The following KLHL4 variants were observed in gnomAD, a reference collection of about 807,000 sequenced individuals.
KLHL4 encodes the protein kelch-like protein 4.
In KLHL4, 17 loss-of-function variants were observed where a neutral mutation model predicts 45.8. The observed-to-expected ratio is 0.37, with a 90% CI of 0.25 to 0.56. The LOEUF is 0.56. Among genes scored for constraint, KLHL4 ranks in the 20% least tolerant of loss-of-function variants. The pLI, the probability that KLHL4 is intolerant of heterozygous loss-of-function variation, is 0.79. For missense variants in KLHL4, 544 were observed against 544.9 expected (o/e 1.00, Z 0.02); for synonymous variants, 224 against 189.9 (o/e 1.18, Z -1.47).
intron 1 of KLHL4, among the ~76,000 whole-genome samples, chrX:87,602,154 T>C (rs770003910): frequency 9.0e-6 from 1 of 111,352 alleles, no homozygotes; most frequent in African/African-American, 3.2e-5. Flanking sequence ...AATTAAAAAA[T>C]TACAGAGAAA....
intron 9 of KLHL4, among the ~76,000 whole-genome samples, chrX:87,637,226 A>G (rs767954468): frequency 1.8e-5 from 2 of 111,471 alleles, no homozygotes; most frequent in East Asian, 2.9e-4. Flanking sequence ...GATCCAGAAC[A>G]GAAATAGCAA....
At chrX:87,573,441 ATAAG>A (rs1921001521) in intron 1 of KLHL4, among the ~76,000 whole-genome samples, 1 of 41,700 alleles carries the variant, frequency 2.4e-5, no homozygotes, top group African/African-American at 9.1e-5. Context: ...AAATAAACAA[ATAAG>A]TGAACAAGAT....
chrX:87,659,383 G>T (rs976931268), intron 9 of KLHL4, among the ~76,000 whole-genome samples: 1 of 109,851 alleles, frequency 9.1e-6, no homozygotes, highest in Admixed American at 9.7e-5. Flanking sequence ...CTCCCAAAGT[G>T]CTGGGATTAC....
intron 9 of KLHL4, among the ~76,000 whole-genome samples, chrX:87,654,075 G>A (rs954764596): frequency 2.7e-5 from 3 of 110,862 alleles, no homozygotes; most frequent in East Asian, 2.8e-4. Flanking sequence ...GCAAACCACC[G>A]TGGCACAACT....
intron 1 of KLHL4, among the ~76,000 whole-genome samples, chrX:87,528,902 A>C (rs5969236): frequency 0.26 from 28,133 of 108,291 alleles, 3,099 homozygotes; most frequent in East Asian, 0.54. Context: ...CAGACTATAA[A>C]CAATCTGTCC....
In KLHL4 at chrX:87,635,638, G is replaced by A. The variant is rs1602456000; in HGVS notation, c.1788G>A (p.Lys596=). ...SMEYFDPHTN[K]WSLCAPMSKR... is the part of the protein sequence containing the mutation. ...AATACTTTGACCCACACACTAACAA[G>A]TGGAGTTTGTGTGCTCCAATGTCCA... The change falls in exon 9 of 11, where the codon AAG becomes AAA. Residue 596 remains lysine, a synonymous_variant. Transcript: ENST00000373119. The A allele has an allele frequency of 2.5e-6, 3 of 1,209,893 alleles. No individual in the cohort carries two copies. Among genetic ancestry groups the A allele is most frequent in the Non-Finnish European group, 3.4e-6 (3 of 893,717 alleles).
At chrX:87,629,654 C>A (rs2147822443) in intron 6 of KLHL4, among the ~76,000 whole-genome samples, 2 of 110,826 alleles carry the variant, frequency 1.8e-5, no homozygotes, top group African/African-American at 6.5e-5. Flanking sequence ...ATTTCCTAAT[C>A]TAAATTAGGT....
rs1237195293 is a variant in KLHL4 at position 87,668,805 on chromosome X, C to G, written c.*2271C>G. On this transcript the variant is annotated 3_prime_UTR_variant, in exon 11 of 11. Transcript: ENST00000373119. Reference sequence around the variant, plus strand: ...GGACTTACCTGACAGCTCTTACCAACAAGAAGGCCATCCCAGATATGGCCT... The same window carrying G: ...GGACTTACCTGACAGCTCTTACCAAGAAGAAGGCCATCCCAGATATGGCCT... 2.8e-5 allele frequency: 7 copies of G among 252,963 alleles called. No homozygotes were observed. Among genetic ancestry groups the G allele is most frequent in the Non-Finnish European group, 3.8e-5 (7 of 182,728 alleles). The allele number at this position is 252,963 out of a possible 1,213,427, so 20.8% of individuals were successfully genotyped here.
chrX:87,632,607 A>G (rs41304056), intron 7 of KLHL4, among the ~76,000 whole-genome samples, 173 bp downstream of exon 7: 2,118 of 111,686 alleles, frequency 0.019, 21 homozygotes, highest in Non-Finnish European at 0.028. Flanking sequence ...TTATTGTTGC[A>G]GGTTACTCCT....
At chrX:87,653,668 A>G (rs2147837916) in intron 9 of KLHL4, among the ~76,000 whole-genome samples, 1 of 111,915 alleles carries the variant, frequency 8.9e-6, no homozygotes, top group East Asian at 2.8e-4. Flanking sequence ...TATTATAAAG[A>G]TACTCACATG....
chrX:87,523,579 A>G (rs1931045940), intron 1 of KLHL4, among the ~76,000 whole-genome samples: 2 of 111,904 alleles, frequency 1.8e-5, no homozygotes, highest in Non-Finnish European at 3.8e-5. Context: ...AACTGGAACA[A>G]TTTCAATAGC....
chrX:87,575,059 G>T (rs1017852776), intron 1 of KLHL4, among the ~76,000 whole-genome samples: 3 of 112,063 alleles, frequency 2.7e-5, no homozygotes, highest in Non-Finnish European at 5.6e-5. Context: ...AATCTTACCA[G>T]ATCAGTTGAT....
At chrX:87,521,258 C>G (rs1930994557) in intron 1 of KLHL4, among the ~76,000 whole-genome samples, 1 of 111,861 alleles carries the variant, frequency 8.9e-6, no homozygotes, top group Non-Finnish European at 1.9e-5. Context: ...TTCCAAGTTT[C>G]AAGTGAGGTT....
At chrX:87,596,068 C>T (rs1246398850) in intron 1 of KLHL4, among the ~76,000 whole-genome samples, 1 of 110,744 alleles carries the variant, frequency 9.0e-6, no homozygotes, top group Non-Finnish European at 1.9e-5. Context: ...GGCATCTCCC[C>T]CTCTTACTCT....
At chrX:87,553,773 T>G (rs1403449683) in intron 1 of KLHL4, among the ~76,000 whole-genome samples, 3 of 111,633 alleles carry the variant, frequency 2.7e-5, no homozygotes, top group Non-Finnish European at 5.7e-5. Context: ...AACTTTTGTT[T>G]TTAAAACCTA....
chrX:87,614,636 A>G (rs746786766), intron 3 of KLHL4, 66 bp downstream of exon 3: 1 of 987,729 alleles, frequency 1.0e-6, no homozygotes. Context: ...TATTAGTAGT[A>G]GTAGTAGTTA....
chrX:87,570,235 T>C (rs1569343939), intron 1 of KLHL4, among the ~76,000 whole-genome samples: 3 of 111,411 alleles, frequency 2.7e-5, no homozygotes, highest in Admixed American at 9.5e-5. Context: ...AGAAAGAGAC[T>C]TCAAAAGAGA....
chrX:87,667,402 C>T lies in KLHL4; in HGVS notation c.*868C>T, dbSNP rs1346878077. ...TATAAACAAATATCGTTAAGTTAAACAAGTTTTCAAAAACAAAACAATTTT... is the reference window on the plus strand; with the variant it reads ...TATAAACAAATATCGTTAAGTTAAATAAGTTTTCAAAAACAAAACAATTTT... On this transcript the variant is annotated 3_prime_UTR_variant, in exon 11 of 11. Coordinates refer to ENST00000373119, the MANE Select transcript of KLHL4 (RefSeq NM_019117.5). The T allele has an allele frequency of 1.4e-6, 1 of 701,693 alleles. No homozygotes were observed. Among genetic ancestry groups the T allele is most frequent in the African/African-American group, 2.4e-5 (1 of 42,072 alleles). The allele number at this position is 701,693 out of a possible 1,213,427, so 57.8% of individuals were successfully genotyped here. A position where few individuals can be genotyped will look rare whatever the true frequency, so the allele number is the denominator to read the frequency against.
chrX:87,519,400 A>G (rs940800537), intron 1 of KLHL4, among the ~76,000 whole-genome samples: 9 of 112,044 alleles, frequency 8.0e-5, no homozygotes, highest in African/African-American at 2.6e-4. Flanking sequence ...ACAACCTCAC[A>G]GTGTCTTGCT....
Sources: gnomAD v4.1 joint callset for allele counts (sites outside exome capture counted in the v4.1 genomes callset) on GRCh38, gnomAD v4.1.1 for gene constraint, MANE v1.5 for transcripts, NCBI Gene and HGNC (gene_info 2026-07-23, HGNC 2026-07-21) for gene names.